The following DPP10 variants were observed in gnomAD, a reference collection of about 807,000 sequenced individuals.
DPP10 encodes the protein dipeptidyl peptidase like 10.
Under a neutral mutation model 120.9 loss-of-function variants are expected in DPP10, and 33 were observed. The observed-to-expected ratio is 0.27, with a 90% CI of 0.21 to 0.37. The LOEUF (loss-of-function observed/expected upper bound fraction) is 0.37, where lower values mean the gene tolerates loss of function less well. Ranked by LOEUF, DPP10 falls within the 10% of genes least tolerant of loss-of-function variation. The pLI is 1.00. For missense variants in DPP10, 816 were observed against 942.8 expected (o/e 0.87, Z 1.76); for synonymous variants, 337 against 326.1 (o/e 1.03, Z -0.36).
At chr2:115,183,493 A>G (rs932175711) in intron 1 of DPP10, among the ~76,000 whole-genome samples, 1 of 152,158 alleles carries the variant, frequency 6.6e-6, no homozygotes, top group African/African-American at 2.4e-5. Context: ...GAGGGCAGGG[A>G]CTGGACTTTC....
chr2:115,780,830 A>G (rs1175091969), intron 15 of DPP10, 44 bp from the exon 16 acceptor site: 3 of 1,567,946 alleles, frequency 1.9e-6, no homozygotes, highest in South Asian at 1.2e-5. Context: ...TCAAGTGCCT[A>G]GAATAGTAGC....
chr2:115,675,284 G>A (rs904155429), intron 5 of DPP10, among the ~76,000 whole-genome samples: 6 of 152,058 alleles, frequency 3.9e-5, no homozygotes, highest in Non-Finnish European at 5.9e-5. Context: ...CGAATATGAC[G>A]AGCAACATAT....
intron 1 of DPP10, among the ~76,000 whole-genome samples, chr2:114,730,625 G>C (rs565760498): frequency 6.6e-6 from 1 of 152,060 alleles, no homozygotes; most frequent in Non-Finnish European, 1.5e-5. Flanking sequence ...AGACAGTCTT[G>C]CTCTGTCATC....
At chr2:114,854,219 G>A (rs906391080) in intron 1 of DPP10, among the ~76,000 whole-genome samples, 3 of 152,124 alleles carry the variant, frequency 2.0e-5, no homozygotes, top group African/African-American at 7.2e-5. Context: ...GTAAATTTTA[G>A]AAGAGATATA....
At chr2:114,803,178 T>C (rs548953465) in intron 1 of DPP10, among the ~76,000 whole-genome samples, 22 of 152,316 alleles carry the variant, frequency 1.4e-4, no homozygotes, top group African/African-American at 5.1e-4. Context: ...TCTTCCTTAT[T>C]TTCTCTTGTC....
At chr2:114,754,226 G>A (rs1449623978) in intron 1 of DPP10, among the ~76,000 whole-genome samples, 11 of 152,168 alleles carry the variant, frequency 7.2e-5, no homozygotes, top group Admixed American at 2.0e-4. Flanking sequence ...AGCATGGGCC[G>A]AGGCTTAGTA....
At chr2:115,694,432 AAGTT>A (rs1234676193) in intron 7 of DPP10, among the ~76,000 whole-genome samples, 1 of 152,184 alleles carries the variant, frequency 6.6e-6, no homozygotes, top group Non-Finnish European at 1.5e-5. Flanking sequence ...AAGAGGATCT[AAGTT>A]AGAACTCAGA....
At chr2:115,033,692 C>T (rs529606791) in intron 1 of DPP10, among the ~76,000 whole-genome samples, 1 of 89,370 alleles carries the variant, frequency 1.1e-5, no homozygotes, top group Admixed American at 1.9e-4. Flanking sequence ...GCAATATCTT[C>T]CCTCCTTTTT....
intron 1 of DPP10, among the ~76,000 whole-genome samples, chr2:114,697,834 T>C (rs1305127012): frequency 2.6e-5 from 4 of 151,754 alleles, no homozygotes; most frequent in Non-Finnish European, 5.9e-5. Context: ...ATCTCTTTGC[T>C]CTCTATTATC....
chr2:114,766,751 G>A (rs1680737464), intron 1 of DPP10, among the ~76,000 whole-genome samples: 2 of 152,090 alleles, frequency 1.3e-5, no homozygotes, highest in South Asian at 4.2e-4. Flanking sequence ...CTGTAGATAT[G>A]GAGAACAAAT....
intron 1 of DPP10, among the ~76,000 whole-genome samples, chr2:115,181,403 T>C (rs945960115): frequency 4.6e-5 from 7 of 152,178 alleles, no homozygotes; most frequent in African/African-American, 7.2e-5. Flanking sequence ...CTGGTTCAAG[T>C]GTGTTGTTTA....
intron 1 of DPP10, among the ~76,000 whole-genome samples, chr2:114,799,884 A>G (rs1320877073): frequency 1.3e-5 from 2 of 152,214 alleles, no homozygotes; most frequent in Admixed American, 6.5e-5. Context: ...GGCAGCTGGC[A>G]CTATTTGAAT....
At chr2:115,306,331 G>A (rs1334970301) in intron 1 of DPP10, among the ~76,000 whole-genome samples, 1 of 152,050 alleles carries the variant, frequency 6.6e-6, no homozygotes, top group Admixed American at 6.6e-5. Context: ...GGGTTGGATG[G>A]AACAGAATTA....
At chr2:115,404,972 C>A (rs1156940284) in intron 3 of DPP10, among the ~76,000 whole-genome samples, 1 of 152,066 alleles carries the variant, frequency 6.6e-6, no homozygotes, top group Non-Finnish European at 1.5e-5. Context: ...AGAAATAAAC[C>A]ACATTCAAAT....
At chr2:114,945,276 A>T (rs1030703283) in intron 1 of DPP10, among the ~76,000 whole-genome samples, 2 of 152,250 alleles carry the variant, frequency 1.3e-5, no homozygotes, top group Non-Finnish European at 2.9e-5. Flanking sequence ...TCTCTGGAAG[A>T]TAATGTTAAG....
intron 1 of DPP10, among the ~76,000 whole-genome samples, chr2:114,473,431 C>T (rs1338858497): frequency 6.6e-6 from 1 of 151,652 alleles, no homozygotes; most frequent in African/African-American, 2.4e-5. Flanking sequence ...ATAGTTATAA[C>T]CCAATGTGTC....
intron 1 of DPP10, among the ~76,000 whole-genome samples, chr2:114,668,658 T>C (rs999554562): frequency 6.6e-6 from 1 of 152,142 alleles, no homozygotes; most frequent in Non-Finnish European, 1.5e-5. Flanking sequence ...ACCTGATACT[T>C]GTTTATAATT....
intron 1 of DPP10, among the ~76,000 whole-genome samples, chr2:114,893,302 G>T (rs1477079233): frequency 1.3e-5 from 2 of 152,090 alleles, no homozygotes; most frequent in African/African-American, 2.4e-5. Flanking sequence ...TAATCTAAAA[G>T]AATAAACTAG....
At chr2:114,698,187 G>C (rs1203238441) in intron 1 of DPP10, among the ~76,000 whole-genome samples, 1 of 151,940 alleles carries the variant, frequency 6.6e-6, no homozygotes, top group Non-Finnish European at 1.5e-5. Context: ...ATCATGATAG[G>C]ATATAAAACA....
Sources: allele counts gnomAD v4.1 joint callset (sites outside exome capture counted in the v4.1 genomes callset), GRCh38; gene constraint gnomAD v4.1.1; transcripts MANE v1.5; gene names NCBI Gene and HGNC (gene_info 2026-07-23, HGNC 2026-07-21).